The following SCML4 variants were observed in gnomAD, a reference collection of about 807,000 sequenced individuals.
The protein encoded by SCML4 is Scm polycomb group protein like 4.
In SCML4, 34 loss-of-function variants were observed where a neutral mutation model predicts 41.1. That is an observed-to-expected ratio of 0.83 (90% CI 0.63 to 1.10). SCML4 has a LOEUF of 1.10. Among genes scored for constraint, SCML4 ranks in the 50% least tolerant of loss-of-function variants. The probability of loss-of-function intolerance (pLI) is 0.00; values close to 1 mark genes in which losing one functional copy is unlikely to be tolerated. For synonymous variants in SCML4, 214 were observed against 220.9 expected (o/e 0.97, Z 0.28); for missense variants, 522 against 534.1 (o/e 0.98, Z 0.22).
chr6:107,787,342 A>G (rs1781979494), intron 1 of SCML4, among the ~76,000 whole-genome samples: 1 of 152,186 alleles, frequency 6.6e-6, no homozygotes, highest in Non-Finnish European at 1.5e-5. Flanking sequence ...CAGCAGTAAG[A>G]CAGCAATTGC....
At chr6:107,784,818 C>T (rs1781760526) in intron 1 of SCML4, among the ~76,000 whole-genome samples, 1 of 152,222 alleles carries the variant, frequency 6.6e-6, no homozygotes, top group Non-Finnish European at 1.5e-5. Flanking sequence ...TATGTGGGGG[C>T]TGCACTCATC....
intron 1 of SCML4, among the ~76,000 whole-genome samples, chr6:107,795,223 C>A (rs1220239058): frequency 6.6e-6 from 1 of 152,138 alleles, no homozygotes; most frequent in East Asian, 1.9e-4. Context: ...TTAAAGCAGT[C>A]TTTTGCTGTC....
At chr6:107,769,383 G>A (rs1279548533) in intron 2 of SCML4, among the ~76,000 whole-genome samples, 1 of 152,190 alleles carries the variant, frequency 6.6e-6, no homozygotes, top group Non-Finnish European at 1.5e-5. Flanking sequence ...GTTATCCTCA[G>A]GAAGCAGTTA....
At chr6:107,728,798 T>C (rs558117109) in intron 5 of SCML4, among the ~76,000 whole-genome samples, 1 of 152,124 alleles carries the variant, frequency 6.6e-6, no homozygotes, top group Non-Finnish European at 1.5e-5. Context: ...TCTGCCCAGG[T>C]GGACAACTGT....
At chr6:107,744,912 G>A (rs1777923841) in intron 5 of SCML4, 37 bp downstream of exon 5, 1 of 1,485,456 alleles carries the variant, frequency 6.7e-7, no homozygotes, top group East Asian at 2.4e-5. Context: ...GGACAGGGAG[G>A]TGTCCCTGCA....
intron 5 of SCML4, among the ~76,000 whole-genome samples, chr6:107,722,866 ATCT>A (rs779201771): frequency 6.6e-6 from 1 of 152,194 alleles, no homozygotes. Context: ...GAATAACCTA[ATCT>A]TCTATCATAA....
chr6:107,771,319 G>A (rs913301366), intron 2 of SCML4, among the ~76,000 whole-genome samples: 1 of 152,114 alleles, frequency 6.6e-6, no homozygotes, highest in Non-Finnish European at 1.5e-5. Context: ...CAGTATTCAG[G>A]TCTCAAGATG....
At chr6:107,741,124 A>G (rs541401286) in intron 5 of SCML4, among the ~76,000 whole-genome samples, 2 of 152,312 alleles carry the variant, frequency 1.3e-5, no homozygotes, top group Admixed American at 1.3e-4. Flanking sequence ...GTGGCATAGA[A>G]GCAAGCTGGC....
chr6:107,790,248 C>A (rs1782217911), intron 1 of SCML4, among the ~76,000 whole-genome samples: 1 of 152,186 alleles, frequency 6.6e-6, no homozygotes, highest in Non-Finnish European at 1.5e-5. Flanking sequence ...GTAGTATTAC[C>A]ATGGACAATA....
rs144498608 is a variant in SCML4 at position 107,730,308 on chromosome 6, G to A, written c.683-9315C>T. On this transcript the variant is annotated intron_variant, in intron 5 of 7. Coordinates refer to ENST00000369020, the MANE Select transcript of SCML4 (RefSeq NM_198081.5). ...CCTGCACACAGAGTCCCGGCAGACC[G>A]TAGGGCTCACAGGCGAAGGCACTCA... Among the ~76,000 whole-genome samples, 96 of 152,308 alleles carry A rather than the reference G, an allele frequency of 6.3e-4. 1 individual carries two copies. The East Asian group carries it at 0.014, about 22-fold the overall frequency.
rs1754076154 is a variant in SCML4 at position 107,703,196 on chromosome 6, T to C, written c.*2004A>G. On this transcript the variant is annotated 3_prime_UTR_variant, in exon 8 of 8. Transcript: ENST00000369020. ...CCTCAGAGCTGCTTTGACTATGGGG[T>C]AGCCATTCTTTCCTTCCTTTACTTT... 6.6e-6 allele frequency among the ~76,000 whole-genome samples: 1 copy of C among 152,084 alleles called. No homozygotes were observed. Among genetic ancestry groups the C allele is most frequent in the Non-Finnish European group, 1.5e-5 (1 of 68,010 alleles).
At chr6:107,766,369 CAA>C (rs11349348) in intron 2 of SCML4, among the ~76,000 whole-genome samples, 193 of 89,944 alleles carry the variant, frequency 2.1e-3, no homozygotes, top group African/African-American at 4.7e-3. Context: ...GACTCCGTCT[CAA>C]AAAAAAAAAA....
intron 1 of SCML4, among the ~76,000 whole-genome samples, chr6:107,781,372 C>T (rs534021016): frequency 1.3e-5 from 2 of 152,220 alleles, no homozygotes; most frequent in Admixed American, 6.5e-5. Flanking sequence ...CCAAGCCGGG[C>T]GTAGTGGTTC....
chr6:107,741,053 G>C (rs1777557831), intron 5 of SCML4, among the ~76,000 whole-genome samples: 1 of 152,128 alleles, frequency 6.6e-6, no homozygotes, highest in Non-Finnish European at 1.5e-5. Context: ...TGGGTGTGGG[G>C]CAGTCATTAT....
upstream of SCML4, among the ~76,000 whole-genome samples, chr6:107,827,297 TG>T (rs913890024): frequency 5.2e-4 from 77 of 147,322 alleles, 1 homozygote; most frequent in Admixed American, 4.5e-3. Flanking sequence ...AATATATATT[TG>T]TTTTTTACTT....
chr6:107,713,481 T>A (rs967970864), intron 6 of SCML4, among the ~76,000 whole-genome samples: 5 of 152,228 alleles, frequency 3.3e-5, no homozygotes, highest in Non-Finnish European at 1.5e-5. Context: ...TGTGTCCACA[T>A]GCAAAACACA....
rs188853098 is a variant in SCML4, at chr6:107,807,317, G to A, written c.-60+16809C>T. Among the ~76,000 whole-genome samples the A allele has an allele frequency of 1.8e-4, 28 of 152,230 alleles. 1 individual carries two copies. Among genetic ancestry groups the A allele is most frequent in the Admixed American group, 1.5e-3 (23 of 15,288 alleles). On this transcript the variant is annotated intron_variant, in intron 1 of 7. Coordinates refer to ENST00000369020, the MANE Select transcript of SCML4 (RefSeq NM_198081.5). ...GCTGAGTAGCTAATTGCTGTTGGACGCCAGCCCACCAGGCATCTTCCTCCT... is the reference window on the plus strand; with the variant it reads ...GCTGAGTAGCTAATTGCTGTTGGACACCAGCCCACCAGGCATCTTCCTCCT...
intron 4 of SCML4, 176 bp downstream of exon 4, chr6:107,746,513 A>G (rs1445686718): frequency 3.6e-6 from 2 of 548,626 alleles, no homozygotes; most frequent in African/African-American, 1.9e-5. Context: ...GCATGGAATC[A>G]TCCTCTCCCT....
chr6:107,731,815 C>A (rs1328987726), intron 5 of SCML4, among the ~76,000 whole-genome samples: 2 of 152,202 alleles, frequency 1.3e-5, no homozygotes, highest in Non-Finnish European at 2.9e-5. Flanking sequence ...AGCAGCTACC[C>A]CTCTTTGCTT....
Sources: allele counts gnomAD v4.1 joint callset (sites outside exome capture counted in the v4.1 genomes callset), GRCh38; gene constraint gnomAD v4.1.1; transcripts MANE v1.5; gene names NCBI Gene and HGNC (gene_info 2026-07-23, HGNC 2026-07-21).